The following NCKAP5 variants were observed in gnomAD, a reference collection of about 807,000 sequenced individuals.
NCKAP5 encodes NCK associated protein 5.
Under a neutral mutation model 167.0 loss-of-function variants are expected in NCKAP5, and 92 were observed. That is an observed-to-expected ratio of 0.55 (90% CI 0.47 to 0.66). The LOEUF (loss-of-function observed/expected upper bound fraction) is 0.66. Ranked by LOEUF, NCKAP5 falls within the 30% of genes least tolerant of loss-of-function variation. The pLI, the probability that NCKAP5 is intolerant of heterozygous loss-of-function variation, is 0.00. For synonymous variants in NCKAP5, 891 were observed against 877.4 expected, an observed-to-expected ratio of 1.02 and a Z score of -0.27; for missense variants, 2,378 against 2,315.0, an observed-to-expected ratio of 1.03 and a Z score of -0.56.
intron 6 of NCKAP5, among the ~76,000 whole-genome samples, chr2:133,108,433 G>A (rs902591121): frequency 6.6e-6 from 1 of 152,072 alleles, no homozygotes; most frequent in African/African-American, 2.4e-5. Flanking sequence ...TTCATCAAAC[G>A]CAGTCACTCG....
chr2:132,725,338 A>G (rs1405224087), intron 19 of NCKAP5, among the ~76,000 whole-genome samples: 3 of 152,240 alleles, frequency 2.0e-5, no homozygotes, highest in African/African-American at 7.2e-5. Context: ...AGTTATCTTT[A>G]TAGTCATTCC....
chr2:133,499,325 C>T (rs1897430), intron 3 of NCKAP5, among the ~76,000 whole-genome samples: 2,985 of 152,252 alleles, frequency 0.02, 125 homozygotes, highest in African/African-American at 0.068. Flanking sequence ...GCACGTTAAA[C>T]GTCTATCACA....
At chr2:133,128,786 T>C (rs1282066504) in intron 6 of NCKAP5, among the ~76,000 whole-genome samples, 1 of 151,992 alleles carries the variant, frequency 6.6e-6, no homozygotes, top group Non-Finnish European at 1.5e-5. Context: ...TTAGTAGAGA[T>C]GAGGCTTTGC....
intron 8 of NCKAP5, chr2:132,930,175 G>A (rs1047635417): frequency 1.3e-5 from 2 of 152,156 alleles, no homozygotes; most frequent in African/African-American, 2.4e-5. Context: ...TGACCAGGAC[G>A]ACCCTGTTGC....
chr2:132,727,282 C>G (rs998648125), intron 18 of NCKAP5, among the ~76,000 whole-genome samples: 4 of 152,124 alleles, frequency 2.6e-5, no homozygotes, highest in African/African-American at 9.7e-5. Context: ...AACTGTTGTT[C>G]CTGAACTGGT....
chr2:133,120,594 G>C (rs539399118), intron 6 of NCKAP5, among the ~76,000 whole-genome samples: 1 of 152,268 alleles, frequency 6.6e-6, no homozygotes, highest in East Asian at 1.9e-4. Flanking sequence ...TTAGCTTATG[G>C]GAAGTAAACC....
intron 5 of NCKAP5, among the ~76,000 whole-genome samples, chr2:133,172,954 G>A (rs952773763): frequency 1.3e-5 from 2 of 152,092 alleles, no homozygotes; most frequent in African/African-American, 4.8e-5. Flanking sequence ...CAAAGAGCTG[G>A]GATTACAGGC....
At chr2:133,606,852 C>A in the NCKAP5 span, among the ~76,000 whole-genome samples, 1 of 152,046 alleles carries the variant, frequency 6.6e-6, no homozygotes, top group African/African-American at 2.4e-5. Flanking sequence ...ACCTTGGGAG[C>A]TATACTGTTT....
chr2:133,293,540 A>T (rs1487076223), intron 4 of NCKAP5, among the ~76,000 whole-genome samples: 30 of 152,204 alleles, frequency 2.0e-4, no homozygotes, highest in Non-Finnish European at 8.8e-5. Context: ...TTCTTGGAAG[A>T]CAGTGATGTT....
intron 3 of NCKAP5, among the ~76,000 whole-genome samples, chr2:133,330,250 T>TG (rs1423728359): frequency 1.5e-5 from 2 of 137,860 alleles, no homozygotes; most frequent in East Asian, 2.1e-4. Context: ...TTGTATTTTT[T>TG]TTTTTTTTTT....
intron 3 of NCKAP5, among the ~76,000 whole-genome samples, chr2:133,373,593 C>T (rs867732255): frequency 6.6e-6 from 1 of 152,006 alleles, no homozygotes; most frequent in Non-Finnish European, 1.5e-5. Flanking sequence ...AGCCAAAGAC[C>T]CTGAATAGTG....
At chr2:132,822,795 C>T (rs1686846277) in intron 11 of NCKAP5, among the ~76,000 whole-genome samples, 1 of 151,382 alleles carries the variant, frequency 6.6e-6, no homozygotes, top group Non-Finnish European at 1.5e-5. Context: ...AAATCAACTT[C>T]AAGAAATAAA....
chr2:133,584,459 C>CT, the NCKAP5 span, among the ~76,000 whole-genome samples: 16 of 152,062 alleles, frequency 1.1e-4, no homozygotes, highest in South Asian at 4.1e-4. Context: ...CTTCTTAATA[C>CT]TTTTTTTTAA....
intron 3 of NCKAP5, among the ~76,000 whole-genome samples, chr2:133,367,225 C>T (rs1464589734): frequency 6.6e-6 from 1 of 152,154 alleles, no homozygotes; most frequent in African/African-American, 2.4e-5. Flanking sequence ...ACCTGACCTC[C>T]TTGGTATCAT....
rs1558765464 is a variant in NCKAP5, at chr2:132,782,940, T to C, written c.3871A>G (p.Ile1291Val). The change falls in exon 14 of 20, where the codon ATC becomes GTC. Residue 1291 changes from isoleucine (I) to valine (V), a missense_variant. Physicochemically the swap from Ile to Val is conservative, Grantham distance 29. Around this residue, in one of 3 missense-constraint regions of NCKAP5, gnomAD observed 1,325 missense variants for 1,274.5 expected, o/e 1.04. Coordinates refer to ENST00000409261, the MANE Select transcript of NCKAP5 (RefSeq NM_207363.3). Reference sequence around the variant, plus strand: ...GTGCGGACTTTGCCTGACCCTTCGATGGGGGGCGTAGAAGGCTTGTCTCCT... The same window carrying C: ...GTGCGGACTTTGCCTGACCCTTCGACGGGGGGCGTAGAAGGCTTGTCTCCT... ...HSGDKPSTPP[I>V]EGSGKVRTQI... The C allele has an allele frequency of 1.2e-6, 2 of 1,613,786 alleles. No homozygotes were observed. The highest frequency in any genetic ancestry group is 1.1e-5 in the South Asian group (1 of 91,060).
intron 3 of NCKAP5, among the ~76,000 whole-genome samples, chr2:133,476,431 G>A (rs1247526511): frequency 5.3e-5 from 8 of 152,158 alleles, no homozygotes; most frequent in Non-Finnish European, 1.0e-4. Flanking sequence ...GGCTGCCCTC[G>A]CATTGGAGAG....
At chr2:132,698,281 T>G (rs1399299153) in intron 19 of NCKAP5, among the ~76,000 whole-genome samples, 1 of 152,196 alleles carries the variant, frequency 6.6e-6, no homozygotes, top group Non-Finnish European at 1.5e-5. Flanking sequence ...TCTGTCTTTT[T>G]TACTCTTAAA....
intron 3 of NCKAP5, among the ~76,000 whole-genome samples, chr2:133,308,824 C>T (rs1681010992): frequency 6.7e-6 from 1 of 148,198 alleles, no homozygotes; most frequent in Non-Finnish European, 1.5e-5. Context: ...CATTCTCCTG[C>T]CTCAGCCTCC....
At chr2:133,443,189 T>C (rs1029881783) in intron 3 of NCKAP5, among the ~76,000 whole-genome samples, 1 of 152,190 alleles carries the variant, frequency 6.6e-6, no homozygotes, top group African/African-American at 2.4e-5. Context: ...CACTGAAATG[T>C]TGTCTCTCGC....
Sources: gnomAD v4.1 joint callset for allele counts (sites outside exome capture counted in the v4.1 genomes callset) on GRCh38, gnomAD v4.1.1 for gene constraint, gnomAD v4.1.1 regional missense constraint, MANE v1.5 for transcripts, NCBI Gene and HGNC (gene_info 2026-07-23, HGNC 2026-07-21) for gene names.